FANCI: variants seen among roughly 807,000 people sequenced by gnomAD.
FANCI encodes FA complementation group I.
A neutral mutation model predicts 176.1 loss-of-function variants in FANCI; 156 were observed. The observed-to-expected ratio is 0.89, with a 90% CI of 0.78 to 1.01. FANCI has a LOEUF of 1.01. FANCI is among the 50% of genes least tolerant of loss of function. The pLI, the probability that FANCI is intolerant of heterozygous loss-of-function variation, is 0.00. For missense variants in FANCI, 1,678 were observed against 1,534.1 expected, an observed-to-expected ratio of 1.09 and a Z score of -1.57; for synonymous variants, 613 against 541.7, an observed-to-expected ratio of 1.13 and a Z score of -1.83.
chr15:89,246,339 C>A (rs772264316), intron 1 of FANCI, among the ~76,000 whole-genome samples: 4 of 152,146 alleles, frequency 2.6e-5, no homozygotes, highest in Non-Finnish European at 5.9e-5. Context: ...TTACCTTCTC[C>A]CCACTTTAAT....
chr15:89,261,062 G>A (rs1049997134), intron 4 of FANCI, among the ~76,000 whole-genome samples: 14 of 152,048 alleles, frequency 9.2e-5, no homozygotes. Flanking sequence ...TCAGGAGTTT[G>A]AGACCACCCT....
At chr15:89,268,689 T>A in intron 10 of FANCI, 164 bp downstream of exon 10, 1 of 763,866 alleles carries the variant, frequency 1.3e-6, no homozygotes, top group South Asian at 1.7e-5. Context: ...AAATACATGA[T>A]GTTACCACAC....
At chr15:89,314,997 T>TG (rs953286571) in intron 36 of FANCI, among the ~76,000 whole-genome samples, 12 of 152,050 alleles carry the variant, frequency 7.9e-5, no homozygotes, top group African/African-American at 2.9e-4. Context: ...TTTGTAGAGA[T>TG]GGGGTCTCAC....
At chr15:89,290,342 T>C (rs1354589819) in intron 19 of FANCI, 61 bp downstream of exon 19, 3 of 1,287,594 alleles carry the variant, frequency 2.3e-6, no homozygotes, top group Non-Finnish European at 3.4e-6. Context: ...AGACAGTTGA[T>C]GGTTTTCAGA....
At chr15:89,264,481 C>A in intron 8 of FANCI, 41 bp from the exon 9 acceptor site, 1 of 1,519,150 alleles carries the variant, frequency 6.6e-7, no homozygotes, top group Non-Finnish European at 9.1e-7. Context: ...GGTTATTTTG[C>A]TGTTAATTGG....
intron 7 of FANCI, 133 bp from the exon 8 acceptor site, chr15:89,263,770 A>T: frequency 1.8e-6 from 2 of 1,089,252 alleles, no homozygotes; most frequent in Non-Finnish European, 2.7e-6. Context: ...TTATCTCTTT[A>T]ATTCTCTGCT....
intron 34 of FANCI, among the ~76,000 whole-genome samples, chr15:89,308,760 C>A (rs986256507): frequency 1.4e-4 from 21 of 152,074 alleles, no homozygotes; most frequent in African/African-American, 4.6e-4. Flanking sequence ...GCCTGGCCAA[C>A]ATGGTGAAAC....
rs2053681082 is a variant in FANCI, at chr15:89,283,177, T to C, written c.1625T>C (p.Leu542Pro). The C allele has an allele frequency of 6.2e-7, 1 of 1,614,238 alleles. No individual in the cohort carries two copies. The highest frequency in any genetic ancestry group is 8.5e-7 in the Non-Finnish European group (1 of 1,180,044). ...AAATCTGCAGTTGCTGGGTTTTTGC[T>C]GCTCCTGAAGAACTTTAAAGTTTTA... ...ARKSAVAGFL[L>P]LLKNFKVLGS... Residue 542 changes from leucine (L) to proline (P), a missense_variant, in exon 17 of 38, where the codon CTG (leucine) becomes CCG (proline). Around this residue, in one of 3 missense-constraint regions of FANCI, gnomAD observed 1,204 missense variants for 1,077.4 expected, o/e 1.12. Transcript: ENST00000310775.
At chr15:89,246,297 C>T (rs1477747533) in intron 1 of FANCI, among the ~76,000 whole-genome samples, 1 of 152,228 alleles carries the variant, frequency 6.6e-6, no homozygotes, top group Non-Finnish European at 1.5e-5. Flanking sequence ...AAAATAACTT[C>T]CAAATGGTCT....
chr15:89,281,869 T>C lies in FANCI; in HGVS notation c.1583+34T>C, dbSNP rs779798103. On this transcript the variant is annotated intron_variant, in intron 16 of 37. Transcript: ENST00000310775. ...CATCTTTTTCTATCATAGGAAGACG[T>C]TGTCTTCTAATGTTGGAGCTAAAGT... The C allele has an allele frequency of 3.2e-6, 5 of 1,581,164 alleles. No homozygotes were observed. In the South Asian group the frequency reaches 3.3e-5, roughly 10 times the overall value.
chr15:89,295,576 G>T (rs966453418), intron 24 of FANCI, among the ~76,000 whole-genome samples: 2 of 152,016 alleles, frequency 1.3e-5, no homozygotes, highest in East Asian at 3.9e-4. Flanking sequence ...TGAGGCAGGA[G>T]AATTGCTCGA....
At chr15:89,253,507 T>C (rs941910352) in intron 2 of FANCI, among the ~76,000 whole-genome samples, 8 of 145,958 alleles carry the variant, frequency 5.5e-5, no homozygotes, top group Middle Eastern at 3.4e-3. Context: ...AGACTCTGTC[T>C]CTTAAAAATA....
chr15:89,299,969 A>G lies in FANCI; in HGVS notation c.2803+3A>G, dbSNP rs2151839591. The G allele has an allele frequency of 1.2e-6, 2 of 1,613,906 alleles. No homozygotes were observed. Among genetic ancestry groups the G allele is most frequent in the African/African-American group, 1.3e-5 (1 of 75,036 alleles). On this transcript the variant is annotated splice_donor_region_variant and intron_variant, in intron 25 of 37. Transcript: ENST00000310775. ...TCAGCAGTTTCTCAGAGCTCTGGGT[A>G]AGCATTGCAGTATCAATAAATAGGC...
intron 27 of FANCI, among the ~76,000 whole-genome samples, chr15:89,302,583 T>C (rs879285330): frequency 1.1e-4 from 17 of 151,952 alleles, no homozygotes; most frequent in South Asian, 8.3e-4. Context: ...AAAAATTTTT[T>C]TTTTTTTTGA....
intron 2 of FANCI, among the ~76,000 whole-genome samples, chr15:89,257,795 A>G (rs913530587): frequency 5.3e-5 from 8 of 152,090 alleles, no homozygotes; most frequent in African/African-American, 1.9e-4. Context: ...GGCCACTGTC[A>G]TCTCTCTCTT....
intron 2 of FANCI, among the ~76,000 whole-genome samples, chr15:89,257,697 A>T (rs1285902041): frequency 2.0e-5 from 3 of 152,156 alleles, no homozygotes; most frequent in Non-Finnish European, 2.9e-5. Flanking sequence ...ACATTCTGAA[A>T]TACTGGGGGT....
At chr15:89,304,047 T>TA in intron 28 of FANCI, 132 bp downstream of exon 28, 1 of 814,912 alleles carries the variant, frequency 1.2e-6, no homozygotes, top group African/African-American at 1.7e-5. Flanking sequence ...AGACACCTAA[T>TA]ACCAAGTCGA....
At chr15:89,297,358 T>C (rs1596312558) in intron 24 of FANCI, among the ~76,000 whole-genome samples, 1 of 149,936 alleles carries the variant, frequency 6.7e-6, no homozygotes, top group East Asian at 2.0e-4. Context: ...CCAGACGGGG[T>C]GGCGGCTGGG....
At position 89,268,452 on chromosome 15, in the gene FANCI, C is replaced by G; in HGVS notation, c.809C>G (p.Thr270Ser). ...GGTGAACTTCGTCATGTGGAAGGCA[C>G]CATTATTCTACACATTGTGTTTGCC... ...PSGELRHVEG[T>S]IILHIVFAIK... is the part of the protein sequence containing the mutation. Residue 270 changes from threonine to serine, a missense_variant, in exon 10 of 38, where the codon ACC becomes AGC. By Grantham distance (58) the Thr-to-Ser change is moderately conservative. Coordinates refer to ENST00000310775, the MANE Select transcript of FANCI (RefSeq NM_001113378.2). 1 of 1,614,070 alleles carries G rather than the reference C, an allele frequency of 6.2e-7. No individual in the cohort carries two copies. The highest frequency in any genetic ancestry group is 8.5e-7 in the Non-Finnish European group (1 of 1,179,966).
Sources: gnomAD v4.1 joint callset for allele counts (sites outside exome capture counted in the v4.1 genomes callset) on GRCh38, gnomAD v4.1.1 for gene constraint, gnomAD v4.1.1 regional missense constraint, MANE v1.5 for transcripts, NCBI Gene and HGNC (gene_info 2026-07-23, HGNC 2026-07-21) for gene names.